Variants in MICU1 observed in about 807,000 individuals in gnomAD.
The protein encoded by MICU1 is mitochondrial calcium uptake 1.
A neutral mutation model predicts 56.8 loss-of-function variants in MICU1; 45 were observed. The ratio of observed to expected loss-of-function variants is 0.79; its 90% CI spans 0.62 to 1.02. The LOEUF is 1.02. Ranked by LOEUF, MICU1 falls within the 50% of genes least tolerant of loss-of-function variation. The pLI is 0.00. For synonymous variants in MICU1, 186 were observed against 195.1 expected (o/e 0.95, Z 0.39); for missense variants, 504 against 587.1 (o/e 0.86, Z 1.46).
At chr10:72,586,622 G>A (rs141234231) in intron 1 of MICU1, among the ~76,000 whole-genome samples, 5,981 of 151,300 alleles carry the variant, frequency 0.04, 389 homozygotes, top group African/African-American at 0.13. Flanking sequence ...ACTGTACTCC[G>A]GCCTGGGCAA....
intron 6 of MICU1, among the ~76,000 whole-genome samples, chr10:72,506,143 C>T (rs1037059007): frequency 3.9e-5 from 6 of 152,092 alleles, no homozygotes; most frequent in Non-Finnish European, 8.8e-5. Context: ...GAGTTGAGCA[C>T]CATAAAGTAA....
chr10:72,552,646 C>A (rs1840062924), intron 3 of MICU1, among the ~76,000 whole-genome samples: 1 of 152,192 alleles, frequency 6.6e-6, no homozygotes, highest in East Asian at 1.9e-4. Flanking sequence ...ACCTTCGCCT[C>A]CGGGTTCAAT....
At chr10:72,466,208 G>C (rs1000196316) in intron 8 of MICU1, among the ~76,000 whole-genome samples, 1 of 152,150 alleles carries the variant, frequency 6.6e-6, no homozygotes, top group Non-Finnish European at 1.5e-5. Context: ...GTGACTAAGG[G>C]GTGGGCAGTG....
At chr10:72,606,991 C>A (rs569967967) in intron 1 of MICU1, among the ~76,000 whole-genome samples, 6 of 152,112 alleles carry the variant, frequency 3.9e-5, no homozygotes, top group African/African-American at 1.4e-4. Flanking sequence ...TTCCCCTATA[C>A]CTTGCCCTAC....
At chr10:72,566,176 T>A (rs1329168931) in intron 2 of MICU1, among the ~76,000 whole-genome samples, 1 of 150,988 alleles carries the variant, frequency 6.6e-6, no homozygotes, top group Non-Finnish European at 1.5e-5. Context: ...GCCTCCCAAG[T>A]AGCAGGGACT....
intron 1 of MICU1, among the ~76,000 whole-genome samples, chr10:72,616,664 A>C (rs3000961): frequency 0.56 from 83,371 of 149,216 alleles, 24,647 homozygotes; most frequent in Non-Finnish European, 0.67. Flanking sequence ...AAAAAAAAAA[A>C]AAACACACTA....
chr10:72,596,138 A>G (rs1458917705), intron 1 of MICU1, among the ~76,000 whole-genome samples: 1 of 151,826 alleles, frequency 6.6e-6, no homozygotes, highest in Non-Finnish European at 1.5e-5. Flanking sequence ...GGCGCCCACC[A>G]CCACGCCCAG....
rs188045741 is a variant in MICU1, at chr10:72,621,324, C to T, written c.-2+4686G>A. On this transcript the variant is annotated intron_variant, in intron 1 of 11. Transcript: ENST00000361114. ...CCAACATGGTGAAACCCCATCTCTA[C>T]TTAAAATACAAAAAAAAAATAGCCA... Among the ~76,000 whole-genome samples, 182 of 151,846 alleles carry T rather than the reference C, an allele frequency of 1.2e-3. 1 individual carries two copies. Among genetic ancestry groups the T allele is most frequent in the African/African-American group, 3.9e-3 (163 of 41,364 alleles).
At chr10:72,520,783 T>C (rs1408060153) in intron 5 of MICU1, among the ~76,000 whole-genome samples, 1 of 152,148 alleles carries the variant, frequency 6.6e-6, no homozygotes, top group East Asian at 1.9e-4. Flanking sequence ...AAAAGTCTAC[T>C]GGAATGGCAT....
chr10:72,470,117 T>C (rs1002800041), intron 8 of MICU1, among the ~76,000 whole-genome samples: 1 of 152,314 alleles, frequency 6.6e-6, no homozygotes, highest in South Asian at 2.1e-4. Flanking sequence ...ACCATTGCCC[T>C]GTTTTACAAA....
At chr10:72,433,088 C>T (rs539023175) in intron 8 of MICU1, among the ~76,000 whole-genome samples, 3 of 150,612 alleles carry the variant, frequency 2.0e-5, no homozygotes, top group African/African-American at 7.3e-5. Flanking sequence ...CAGGTCTGCA[C>T]CACCATGCCC....
chr10:72,547,533 G>GTGTATA (rs140031218), intron 4 of MICU1, among the ~76,000 whole-genome samples: 39 of 146,188 alleles, frequency 2.7e-4, no homozygotes, highest in Admixed American at 2.3e-3. Flanking sequence ...ATACACATAT[G>GTGTATA]TATATATATA....
intron 5 of MICU1, among the ~76,000 whole-genome samples, chr10:72,522,265 T>C (rs1412097758): frequency 2.0e-5 from 3 of 152,136 alleles, no homozygotes; most frequent in Non-Finnish European, 4.4e-5. Context: ...GAAAGTTCTC[T>C]GATAGCAAAG....
intron 4 of MICU1, among the ~76,000 whole-genome samples, chr10:72,541,998 A>C (rs541092756): frequency 6.6e-6 from 1 of 152,312 alleles, no homozygotes; most frequent in Non-Finnish European, 1.5e-5. Context: ...AAAGTAAGGG[A>C]AACTTATAAA....
At position 72,368,143 on chromosome 10, in the gene MICU1, G is replaced by A. The variant is rs1196976467; in HGVS notation, c.*52C>T. The A allele has an allele frequency of 5.7e-6, 9 of 1,565,860 alleles. No homozygotes were observed. Among genetic ancestry groups the A allele is most frequent in the East Asian group, 4.6e-5 (2 of 43,690 alleles). On this transcript the variant is annotated 3_prime_UTR_variant, in exon 12 of 12. Coordinates refer to ENST00000361114, the MANE Select transcript of MICU1 (RefSeq NM_001195518.2). The stretch of plus-strand genomic sequence containing the variant: ...ACAAAGGGCTCTGCCGAGACTCTGC[G>A]GAGGGGGTCCAGGGTACTGGGGGTG...
intron 9 of MICU1, among the ~76,000 whole-genome samples, chr10:72,417,708 A>G (rs1046016095): frequency 2.0e-5 from 3 of 152,198 alleles, no homozygotes; most frequent in Non-Finnish European, 2.9e-5. Context: ...CAGAGCATCA[A>G]TAGAGTAATT....
At chr10:72,573,352 A>T (rs892729106) in intron 1 of MICU1, among the ~76,000 whole-genome samples, 1 of 138,674 alleles carries the variant, frequency 7.2e-6, no homozygotes. Context: ...CAACATATGG[A>T]ATACCACATA....
At position 72,495,407 on chromosome 10, in the gene MICU1, G is replaced by A. The variant is rs542936773; in HGVS notation, c.652+12748C>T. 1.2e-3 allele frequency among the ~76,000 whole-genome samples: 183 copies of A among 152,288 alleles called. 1 individual carries two copies. The highest frequency in any genetic ancestry group is 3.9e-3 in the African/African-American group (164 of 41,562). Reference sequence around the variant, plus strand: ...GCAGTGGCTCACGCCTGTAATCCCAGCACTTTGGGAGCCCAAGGCGGATGG... The same window carrying A: ...GCAGTGGCTCACGCCTGTAATCCCAACACTTTGGGAGCCCAAGGCGGATGG... On this transcript the variant is annotated intron_variant, in intron 6 of 11. Coordinates refer to ENST00000361114, the MANE Select transcript of MICU1 (RefSeq NM_001195518.2).
At chr10:72,477,833 G>A (rs1328830999) in intron 6 of MICU1, among the ~76,000 whole-genome samples, 3 of 151,690 alleles carry the variant, frequency 2.0e-5, no homozygotes, top group African/African-American at 7.3e-5. Flanking sequence ...CTATGGTAAG[G>A]CAGAAAAGTA....
Sources: gnomAD v4.1 joint callset for allele counts (sites outside exome capture counted in the v4.1 genomes callset) on GRCh38, gnomAD v4.1.1 for gene constraint, MANE v1.5 for transcripts, NCBI Gene and HGNC (gene_info 2026-07-23, HGNC 2026-07-21) for gene names.